The following NTN1 variants were observed in gnomAD, a reference collection of about 807,000 sequenced individuals.
NTN1 encodes netrin 1, also known as netrin-1.
Under a neutral mutation model 54.2 loss-of-function variants are expected in NTN1, and 11 were observed. The ratio of observed to expected loss-of-function variants is 0.20; its 90% CI spans 0.13 to 0.34. The LOEUF is 0.34. Ranked by LOEUF, NTN1 falls within the 10% of genes least tolerant of loss-of-function variation. The pLI is 1.00. For synonymous variants in NTN1, 371 were observed against 382.0 expected, an observed-to-expected ratio of 0.97 and a Z score of 0.33; for missense variants, 740 against 893.1, an observed-to-expected ratio of 0.83 and a Z score of 2.18.
the NTN1 span, among the ~76,000 whole-genome samples, chr17:9,009,027 T>C: frequency 2.6e-5 from 4 of 151,982 alleles, no homozygotes; most frequent in African/African-American, 9.7e-5. Flanking sequence ...GGTGACAGAG[T>C]AAGACTCCAT....
intron 2 of NTN1, among the ~76,000 whole-genome samples, chr17:9,146,200 A>G (rs1405498989): frequency 6.6e-6 from 1 of 152,092 alleles, no homozygotes; most frequent in Non-Finnish European, 1.5e-5. Flanking sequence ...CAGGGAGGGG[A>G]CACTAGGATC....
chr17:9,196,668 C>T (rs1461626174), intron 5 of NTN1, among the ~76,000 whole-genome samples: 3 of 152,210 alleles, frequency 2.0e-5, no homozygotes, highest in Non-Finnish European at 4.4e-5. Flanking sequence ...GGGGCATTGC[C>T]CCTCCCCATT....
intron 6 of NTN1, among the ~76,000 whole-genome samples, chr17:9,231,930 T>C (rs941422516): frequency 6.6e-6 from 1 of 151,974 alleles, no homozygotes; most frequent in Non-Finnish European, 1.5e-5. Flanking sequence ...CGCTCACTGC[T>C]CCACCCTCCT....
intron 2 of NTN1, among the ~76,000 whole-genome samples, chr17:9,108,115 G>T (rs72811919): frequency 0.074 from 11,225 of 152,244 alleles, 576 homozygotes; most frequent in Middle Eastern, 0.14. Flanking sequence ...ACAAATAACT[G>T]AATCCACTAA....
chr17:9,023,839 G>A (rs2091861832), intron 2 of NTN1, among the ~76,000 whole-genome samples: 1 of 152,208 alleles, frequency 6.6e-6, no homozygotes, highest in African/African-American at 2.4e-5. Flanking sequence ...CAAATCCCTT[G>A]GGAGATGGCA....
At chr17:9,218,916 A>G (rs1234920447) in intron 5 of NTN1, among the ~76,000 whole-genome samples, 35 of 44,068 alleles carry the variant, frequency 7.9e-4, no homozygotes, top group East Asian at 2.9e-3. Flanking sequence ...GGCTTTTGTG[A>G]AAAAAAAAAA....
At chr17:9,143,241 G>T (rs1175622987) in intron 2 of NTN1, among the ~76,000 whole-genome samples, 1 of 152,230 alleles carries the variant, frequency 6.6e-6, no homozygotes, top group Admixed American at 6.5e-5. Flanking sequence ...CCTTGGCCTG[G>T]ATGCTGTCGG....
intron 2 of NTN1, among the ~76,000 whole-genome samples, chr17:9,151,160 G>A (rs1040009919): frequency 2.0e-5 from 3 of 152,164 alleles, no homozygotes; most frequent in South Asian, 2.1e-4. Flanking sequence ...GTCTGGCTGC[G>A]GGGTGGGAGG....
the NTN1 span, among the ~76,000 whole-genome samples, chr17:9,008,166 A>G: frequency 6.6e-6 from 1 of 151,758 alleles, no homozygotes; most frequent in Non-Finnish European, 1.5e-5. Flanking sequence ...ATTGATGCTC[A>G]TTAACACTAA....
chr17:9,206,999 C>T (rs1294976216), intron 5 of NTN1, among the ~76,000 whole-genome samples: 2 of 152,136 alleles, frequency 1.3e-5, no homozygotes, highest in Non-Finnish European at 2.9e-5. Flanking sequence ...GTGACTTCCA[C>T]CTTTGGAGTA....
chr17:9,172,691 C>G (rs911397874), intron 3 of NTN1: 1 of 152,030 alleles, frequency 6.6e-6, no homozygotes, highest in African/African-American at 2.4e-5. Flanking sequence ...CATGGAACGT[C>G]CTTAGTCATT....
At chr17:9,159,015 A>G (rs543920907) in intron 2 of NTN1, among the ~76,000 whole-genome samples, 40 of 152,354 alleles carry the variant, frequency 2.6e-4, no homozygotes, top group Middle Eastern at 6.8e-3. Flanking sequence ...GACTCTAGGA[A>G]GAGCACTTAA....
intron 5 of NTN1, among the ~76,000 whole-genome samples, chr17:9,192,243 T>A (rs1024350523): frequency 3.9e-5 from 6 of 152,194 alleles, no homozygotes; most frequent in African/African-American, 1.4e-4. Flanking sequence ...CAGCATTGCT[T>A]ATAATAACAA....
Position 9,105,462 on chromosome 17 carries a change from AG to A in NTN1, c.1019-57349del, listed in dbSNP as rs376624076. Reference sequence around the variant, plus strand: ...CTCCCAGCTGGCAGGTGGATGTAGGAGGCATTAATCCAGAATCATTTTTCCT... The same window carrying A: ...CTCCCAGCTGGCAGGTGGATGTAGGAGCATTAATCCAGAATCATTTTTCCT... On this transcript the variant is annotated intron_variant, in intron 2 of 6. Coordinates refer to ENST00000173229, the MANE Select transcript of NTN1 (RefSeq NM_004822.3). Among the ~76,000 whole-genome samples, 343 of 152,280 alleles carry A rather than the reference AG, an allele frequency of 2.3e-3. 2 individuals carry two copies. The highest frequency in any genetic ancestry group is 7.9e-3 in the African/African-American group (329 of 41,556).
upstream of NTN1, among the ~76,000 whole-genome samples, chr17:9,018,594 A>T (rs1451195509): frequency 6.9e-6 from 1 of 144,868 alleles, no homozygotes; most frequent in Non-Finnish European, 1.5e-5. Context: ...ATTGCACTCC[A>T]GCCTGGGCAA....
At chr17:9,004,765 C>G in the NTN1 span, among the ~76,000 whole-genome samples, 1 of 152,246 alleles carries the variant, frequency 6.6e-6, no homozygotes, top group Non-Finnish European at 1.5e-5. Context: ...ACCCGGCCGA[C>G]TTGGCCCTGG....
At position 9,243,877 on chromosome 17, in the gene NTN1, TCC is replaced by T. The variant is rs1906318472; in HGVS notation, c.*3910_*3911del. On this transcript the variant is annotated 3_prime_UTR_variant, in exon 7 of 7. Transcript: ENST00000173229. Reference sequence around the variant, plus strand: ...GAAAAAGTTGTGGATTTTCTTTCTTTCCTTTTTTTTGGGGGGGGGTGGGGGGT... The same window carrying T: ...GAAAAAGTTGTGGATTTTCTTTCTTTTTTTTTTTGGGGGGGGGTGGGGGGT... The T allele has an allele frequency of 2.3e-5, 3 of 130,804 alleles. No individual in the cohort carries two copies. The highest frequency in any genetic ancestry group is 8.8e-5 in the African/African-American group (3 of 34,074). 8.1% of individuals were successfully genotyped at this position (130,804 alleles called of 1,614,324 possible).
In NTN1 at chr17:9,179,975, G is replaced by A. The variant is rs142778207; in HGVS notation, c.1357+19G>A. 1.9e-4 allele frequency: 308 copies of A among 1,604,528 alleles called. No homozygotes were observed. Among genetic ancestry groups the A allele is most frequent in the Non-Finnish European group, 2.3e-4 (267 of 1,175,612 alleles). ...TGCATAAGTATGTGTGGGGCACCCT[G>A]CTTTTCAAGTCTCTGGCTTTGTGGG... On this transcript the variant is annotated intron_variant, in intron 4 of 6. Coordinates refer to ENST00000173229, the MANE Select transcript of NTN1 (RefSeq NM_004822.3).
At chr17:9,201,368 A>G (rs1452224304) in intron 5 of NTN1, among the ~76,000 whole-genome samples, 2 of 152,196 alleles carry the variant, frequency 1.3e-5, no homozygotes, top group East Asian at 1.9e-4. Flanking sequence ...TTTGGTGAGC[A>G]TATTACCATG....
Sources: gnomAD v4.1 joint callset for allele counts (sites outside exome capture counted in the v4.1 genomes callset) on GRCh38, gnomAD v4.1.1 for gene constraint, MANE v1.5 for transcripts, NCBI Gene and HGNC (gene_info 2026-07-23, HGNC 2026-07-21) for gene names.